KCNAB2: variants seen among roughly 807,000 people sequenced by gnomAD.
KCNAB2 encodes potassium voltage-gated channel subfamily A regulatory beta subunit 2.
KCNAB2 carries 29 observed loss-of-function variants against 63.6 expected under a neutral mutation model. That is an observed-to-expected ratio of 0.46 (90% CI 0.34 to 0.62). The LOEUF (loss-of-function observed/expected upper bound fraction) is 0.62. Ranked by LOEUF, KCNAB2 falls within the 20% of genes least tolerant of loss-of-function variation. KCNAB2 has a pLI of 0.01. For synonymous variants in KCNAB2, 222 were observed against 224.2 expected, an observed-to-expected ratio of 0.99 and a Z score of 0.09; for missense variants, 359 against 563.9, an observed-to-expected ratio of 0.64 and a Z score of 3.68.
intron 2 of KCNAB2, 79 bp from the exon 3 acceptor site, chr1:6,072,676 G>T (rs1663308107): frequency 2.7e-6 from 4 of 1,466,296 alleles, no homozygotes; most frequent in Non-Finnish European, 3.8e-6. Flanking sequence ...TGGGTGGGGG[G>T]CTGGCCCTGG....
chr1:6,058,274 G>A, intron 2 of KCNAB2, among the ~76,000 whole-genome samples: 1 of 152,244 alleles, frequency 6.6e-6, no homozygotes, highest in East Asian at 1.9e-4. Context: ...CACACTCACA[G>A]GTATCAGGAA....
In KCNAB2 at chr1:6,074,582, C is replaced by T. The variant is rs768125650; in HGVS notation, c.300+812C>T. On this transcript the variant is annotated intron_variant, in intron 4 of 15. Coordinates refer to ENST00000378083, the MANE Select transcript of KCNAB2 (RefSeq NM_001199862.2). This position sits in a 1 kb window ranked among gnomAD's most constrained non-coding sequence, Gnocchi z 4.9. ...AATTGATGTGAGACCTTGTTAGCTG[C>T]GATTGCTCAGTTTCCAAGGGAAAGC... Among the ~76,000 whole-genome samples, 2 of 152,192 alleles carry T rather than the reference C, an allele frequency of 1.3e-5. No individual in the cohort carries two copies. The highest frequency in any genetic ancestry group is 4.8e-5 in the African/African-American group (2 of 41,444).
In KCNAB2 at chr1:6,086,447, T is replaced by C. The variant is rs2100740988; in HGVS notation, c.426-1020T>C. On this transcript the variant is annotated intron_variant, in intron 6 of 15. Transcript: ENST00000378083. This position sits in a 1 kb window ranked among gnomAD's most constrained non-coding sequence, Gnocchi z 4.2. ...CCCCCTTCCTGGAGGTGACGCTGCC[T>C]CTGCCAGAGCTCTGTGGCCGATGCT... 1 of 910,818 alleles carries C rather than the reference T, an allele frequency of 1.1e-6. No individual in the cohort carries two copies. The highest frequency in any genetic ancestry group is 1.3e-6 in the Non-Finnish European group (1 of 761,968). The allele number at this position is 910,818 out of a possible 1,614,324, so 56.4% of individuals were successfully genotyped here.
chr1:6,011,099 C>T (rs1658118128), intron 1 of KCNAB2, among the ~76,000 whole-genome samples: 1 of 152,236 alleles, frequency 6.6e-6, no homozygotes, highest in Non-Finnish European at 1.5e-5. Flanking sequence ...GGGACTCAGC[C>T]ACACATTGGC....
chr1:6,055,842 T>A (rs1661777386), intron 2 of KCNAB2, among the ~76,000 whole-genome samples: 1 of 152,166 alleles, frequency 6.6e-6, no homozygotes, highest in Non-Finnish European at 1.5e-5. Flanking sequence ...CCAGATAAAT[T>A]TATTCTGTGC....
At position 6,087,054 on chromosome 1, in the gene KCNAB2, C is replaced by T. The variant is rs982774530; in HGVS notation, c.426-413C>T. On this transcript the variant is annotated intron_variant, in intron 6 of 15. Transcript: ENST00000378083. This position sits in a 1 kb window ranked among gnomAD's most constrained non-coding sequence, Gnocchi z 6.4. The stretch of plus-strand genomic sequence containing the variant: ...CTGCCAGATCCCCCCAGAGCCCGCC[C>T]CTGCCCCCTGGCCCACACCCGGCCT... Among the ~76,000 whole-genome samples, 2 of 152,290 alleles carry T rather than the reference C, an allele frequency of 1.3e-5. No homozygotes were observed. The highest frequency in any genetic ancestry group is 2.4e-5 in the African/African-American group (1 of 41,574).
chr1:6,024,539 G>A lies in KCNAB2; in HGVS notation c.-52-15978G>A, dbSNP rs553006026. 7.2e-5 allele frequency among the ~76,000 whole-genome samples: 11 copies of A among 152,342 alleles called. No homozygotes were observed. Among genetic ancestry groups the A allele is most frequent in the Non-Finnish European group, 1.3e-4 (9 of 68,036 alleles). On this transcript the variant is annotated intron_variant, in intron 1 of 16. Transcript: ENST00000341524. The surrounding 1 kb of genome is among the most constrained non-coding windows in gnomAD (Gnocchi z 5.4). Reference sequence around the variant, plus strand: ...AGCCAGGAATGAAGCTGAGGTTTGAGGGCTGGTTCAGTGTGTCTGAAACTG... The same window carrying A: ...AGCCAGGAATGAAGCTGAGGTTTGAAGGCTGGTTCAGTGTGTCTGAAACTG...
intron 2 of KCNAB2, among the ~76,000 whole-genome samples, chr1:6,062,629 G>T (rs910836403): frequency 3.9e-5 from 6 of 152,086 alleles, no homozygotes; most frequent in Non-Finnish European, 2.9e-5. Context: ...GAAGGGAGGG[G>T]TTACTTGTGC....
At chr1:6,085,166 G>A (rs1186682765) in intron 5 of KCNAB2, 38 bp from the exon 6 acceptor site, 5 of 1,612,316 alleles carry the variant, frequency 3.1e-6, no homozygotes, top group Non-Finnish European at 3.4e-6. Flanking sequence ...TGATTTTTCT[G>A]TTTGGCTGTG....
Position 6,072,622 on chromosome 1 carries a change from G to A in KCNAB2, c.219-133G>A, listed in dbSNP as rs1384545058. The A allele has an allele frequency of 5.5e-5, 52 of 940,926 alleles. No individual in the cohort carries two copies. In the South Asian group the frequency reaches 7.0e-4, roughly 13 times the overall value. The allele number at this position is 940,926 out of a possible 1,614,324, so 58.3% of individuals were successfully genotyped here. On this transcript the variant is annotated intron_variant, in intron 2 of 15. Coordinates refer to ENST00000378083, the MANE Select transcript of KCNAB2 (RefSeq NM_001199862.2). ...CAGAGGCACCTCTCTGAAGGTCCCC[G>A]GTGCCTTTCGGAGCCTCCAAACACA...
chr1:6,006,702 C>T (rs1469180391), intron 1 of KCNAB2, among the ~76,000 whole-genome samples: 70 of 95,552 alleles, frequency 7.3e-4, no homozygotes, highest in African/African-American at 2.7e-3. Flanking sequence ...CCACATCCCC[C>T]ACTTCACCCT....
At chr1:6,090,317 G>T in intron 8 of KCNAB2, 72 bp from the exon 9 acceptor site, 3 of 1,070,666 alleles carry the variant, frequency 2.8e-6, no homozygotes, top group Middle Eastern at 4.1e-4. Context: ...CCTGAGCCGG[G>T]CATGGATGGG....
upstream of KCNAB2, among the ~76,000 whole-genome samples, chr1:6,029,984 G>A (rs369725589): frequency 4.2e-4 from 64 of 152,320 alleles, 2 homozygotes; most frequent in African/African-American, 1.4e-3. Context: ...GGAAGGTTCC[G>A]GCCAGCTCAA....
chr1:6,091,794 G>A (rs1353332546), intron 10 of KCNAB2, among the ~76,000 whole-genome samples: 2 of 152,180 alleles, frequency 1.3e-5, no homozygotes, highest in Non-Finnish European at 2.9e-5. Flanking sequence ...CACCTGGCTT[G>A]TCACGCTGCC....
chr1:6,039,631 G>T (rs547460412), intron 1 of KCNAB2, among the ~76,000 whole-genome samples: 4 of 152,322 alleles, frequency 2.6e-5, no homozygotes, highest in Non-Finnish European at 4.4e-5. Context: ...GGCTGGGTCT[G>T]CTGTTTTGGG....
intron 1 of KCNAB2, among the ~76,000 whole-genome samples, chr1:6,019,712 C>T (rs1020828524): frequency 2.6e-5 from 4 of 152,206 alleles, no homozygotes; most frequent in Non-Finnish European, 5.9e-5. Flanking sequence ...TCACAGCCCA[C>T]GTGCAGCACG....
At chr1:6,039,375 C>T (rs914102262) in intron 1 of KCNAB2, among the ~76,000 whole-genome samples, 9 of 152,082 alleles carry the variant, frequency 5.9e-5, no homozygotes, top group South Asian at 2.1e-4. Flanking sequence ...TGGAGGAAGG[C>T]GTGCAGAGCT....
chr1:6,070,913 C>T (rs1344044668), intron 2 of KCNAB2, among the ~76,000 whole-genome samples: 3 of 152,092 alleles, frequency 2.0e-5, no homozygotes, highest in Non-Finnish European at 4.4e-5. Context: ...CTTATGTTCT[C>T]CTTTAGGGAA....
chr1:6,015,572 G>A (rs940802340), intron 1 of KCNAB2, among the ~76,000 whole-genome samples: 6 of 152,344 alleles, frequency 3.9e-5, no homozygotes, highest in East Asian at 3.9e-4. Flanking sequence ...CCATAGCTGC[G>A]TAAGCACCCT....
Sources: gnomAD v4.1 joint callset for allele counts (sites outside exome capture counted in the v4.1 genomes callset) on GRCh38, gnomAD v4.1.1 for gene constraint, Gnocchi (gnomAD v3.1) non-coding constraint, MANE v1.5 for transcripts, NCBI Gene and HGNC (gene_info 2026-07-23, HGNC 2026-07-21) for gene names.